ABTB2: variants seen among roughly 807,000 people sequenced by gnomAD.
ABTB2 encodes ankyrin repeat and BTB domain containing 2.
In ABTB2, 56 loss-of-function variants were observed where a neutral mutation model predicts 104.1. The observed-to-expected ratio is 0.54, with a 90% CI of 0.43 to 0.67. ABTB2 has a LOEUF of 0.67. Ranked by LOEUF, ABTB2 falls within the 30% of genes least tolerant of loss-of-function variation. The pLI, the probability that ABTB2 is intolerant of heterozygous loss-of-function variation, is 0.00. For missense variants in ABTB2, 1,279 were observed against 1,407.7 expected (o/e 0.91, Z 1.46); for synonymous variants, 606 against 608.2 (o/e 1.00, Z 0.05).
In ABTB2 at chr11:34,310,092, G is replaced by A. The variant is rs182176772; in HGVS notation, c.883+46609C>T. On this transcript the variant is annotated intron_variant, in intron 1 of 16. Coordinates refer to ENST00000435224, the MANE Select transcript of ABTB2 (RefSeq NM_145804.3). ...GAGCAATCGCCCTGCATCTAAAAGG[G>A]GGAGGAGCACAGTATGTATGTCTCC... 2.6e-5 allele frequency among the ~76,000 whole-genome samples: 4 copies of A among 152,264 alleles called. 1 individual carries two copies. Among genetic ancestry groups the A allele is most frequent in the Admixed American group, 1.3e-4 (2 of 15,300 alleles).
chr11:34,172,395 A>AAAAAT (rs1554980662), intron 4 of ABTB2, among the ~76,000 whole-genome samples: 1 of 29,062 alleles, frequency 3.4e-5, no homozygotes, highest in African/African-American at 9.8e-5. Context: ...AAAAAAAAAA[A>AAAAAT]ATATATATAT....
chr11:34,335,941 A>C, intron 1 of ABTB2: 1 of 648,718 alleles, frequency 1.5e-6, no homozygotes. Flanking sequence ...CGTTTTAACT[A>C]AAGAGTAAAA....
At chr11:34,340,302 G>T (rs966048193) in intron 1 of ABTB2, among the ~76,000 whole-genome samples, 1 of 152,138 alleles carries the variant, frequency 6.6e-6, no homozygotes, top group Admixed American at 6.5e-5. Flanking sequence ...AATGAAGATG[G>T]CAACAGTAGC....
intron 1 of ABTB2, among the ~76,000 whole-genome samples, chr11:34,338,542 CAA>C (rs35340521): frequency 9.6e-5 from 13 of 135,760 alleles, no homozygotes; most frequent in Non-Finnish European, 6.5e-5. Context: ...ACTAAAAGTA[CAA>C]AAAAAAAAAA....
chr11:34,201,831 T>C (rs2982595), intron 2 of ABTB2, among the ~76,000 whole-genome samples: 141,600 of 152,284 alleles, frequency 0.93, 66,743 homozygotes, highest in East Asian at 1. Flanking sequence ...GGAGGCTTCT[T>C]CCTTTGGCCC....
chr11:34,349,425 C>A (rs1476240772), intron 1 of ABTB2, among the ~76,000 whole-genome samples: 2 of 152,164 alleles, frequency 1.3e-5, no homozygotes, highest in African/African-American at 4.8e-5. Context: ...CCTCCTACCT[C>A]CACAAACAAA....
chr11:34,353,399 A>T (rs1855423835), intron 1 of ABTB2, among the ~76,000 whole-genome samples: 1 of 152,112 alleles, frequency 6.6e-6, no homozygotes. Context: ...GAGAGTAGGG[A>T]GGGATATGAG....
chr11:34,347,203 C>T (rs1977109), intron 1 of ABTB2, among the ~76,000 whole-genome samples: 23,523 of 152,078 alleles, frequency 0.15, 3,167 homozygotes, highest in East Asian at 0.35. Flanking sequence ...TGGGAGGCCA[C>T]GGCGGGCAGA....
rs114399689 is a variant in ABTB2, at chr11:34,295,718, T to G, written c.883+60983A>C. On this transcript the variant is annotated intron_variant, in intron 1 of 16. Transcript: ENST00000435224. ...TTCTCACCACTCTGGAGGCTGAAAGTCTGAGATCAGGGTGCCAGCATGGCT... is the reference window on the plus strand; with the variant it reads ...TTCTCACCACTCTGGAGGCTGAAAGGCTGAGATCAGGGTGCCAGCATGGCT... Among the ~76,000 whole-genome samples, 788 of 152,286 alleles carry G rather than the reference T, an allele frequency of 5.2e-3. 11 individuals carry two copies. Among genetic ancestry groups the G allele is most frequent in the African/African-American group, 0.018 (752 of 41,536 alleles).
chr11:34,225,709 C>T lies in ABTB2; in HGVS notation c.884-21019G>A, dbSNP rs549314972. Reference sequence around the variant, plus strand: ...GGCAGAGGTTGCGGTGAACCGAGATCGCGCCATTGCACTCTAGCCTGGGTA... The same window carrying T: ...GGCAGAGGTTGCGGTGAACCGAGATTGCGCCATTGCACTCTAGCCTGGGTA... On this transcript the variant is annotated intron_variant, in intron 1 of 16. Transcript: ENST00000435224. Among the ~76,000 whole-genome samples, 4 of 151,910 alleles carry T rather than the reference C, an allele frequency of 2.6e-5. No homozygotes were observed. In the South Asian group the frequency reaches 6.3e-4, roughly 24 times the overall value.
At chr11:34,214,816 A>C (rs1853530195) in intron 1 of ABTB2, among the ~76,000 whole-genome samples, 1 of 152,156 alleles carries the variant, frequency 6.6e-6, no homozygotes, top group Non-Finnish European at 1.5e-5. Context: ...AACAAAACTA[A>C]TATTACAATT....
intron 1 of ABTB2, among the ~76,000 whole-genome samples, chr11:34,326,627 C>T (rs1482822082): frequency 3.3e-5 from 4 of 119,500 alleles, no homozygotes; most frequent in Non-Finnish European, 5.0e-5. Flanking sequence ...GAGACCCTGT[C>T]TCAAAAAAAA....
chr11:34,175,008 C>T (rs761562946), intron 3 of ABTB2, among the ~76,000 whole-genome samples: 4 of 152,256 alleles, frequency 2.6e-5, no homozygotes, highest in Non-Finnish European at 4.4e-5. Context: ...TGGAGCGTCC[C>T]GCCTGTGCGG....
intron 1 of ABTB2, among the ~76,000 whole-genome samples, chr11:34,291,760 T>TG (rs1854567021): frequency 6.6e-6 from 1 of 152,172 alleles, no homozygotes; most frequent in Non-Finnish European, 1.5e-5. Context: ...CCTCCCAAAG[T>TG]GTTGGGATTA....
chr11:34,317,074 C>T (rs552163378), intron 1 of ABTB2, among the ~76,000 whole-genome samples: 8 of 152,324 alleles, frequency 5.3e-5, no homozygotes, highest in Non-Finnish European at 1.2e-4. Context: ...ACTACAAAAC[C>T]AACAGAACTA....
intron 10 of ABTB2, 105 bp downstream of exon 10, chr11:34,162,471 C>A: frequency 8.0e-7 from 1 of 1,248,718 alleles, no homozygotes. Context: ...CTTGTCTGTC[C>A]CTGCAGGCCC....
At chr11:34,321,473 T>G (rs1199827357) in intron 1 of ABTB2, among the ~76,000 whole-genome samples, 3 of 152,258 alleles carry the variant, frequency 2.0e-5, no homozygotes, top group Non-Finnish European at 4.4e-5. Context: ...AGAGACAATA[T>G]TGCTTTATCC....
intron 2 of ABTB2, among the ~76,000 whole-genome samples, chr11:34,203,061 G>A (rs1352505691): frequency 2.6e-5 from 4 of 152,140 alleles, no homozygotes; most frequent in Non-Finnish European, 4.4e-5. Context: ...TGGGCATGAG[G>A]CCACCATGAG....
intron 1 of ABTB2, among the ~76,000 whole-genome samples, chr11:34,271,551 C>T (rs1242353419): frequency 6.6e-6 from 1 of 152,100 alleles, no homozygotes; most frequent in African/African-American, 2.4e-5. Flanking sequence ...CTACCCTGGG[C>T]AACACAGGGA....
Sources: allele counts gnomAD v4.1 joint callset (sites outside exome capture counted in the v4.1 genomes callset), GRCh38; gene constraint gnomAD v4.1.1; transcripts MANE v1.5; gene names NCBI Gene and HGNC (gene_info 2026-07-23, HGNC 2026-07-21).